The following NYAP2 variants were observed in gnomAD, a reference collection of about 807,000 sequenced individuals.
NYAP2 encodes neuronal tyrosine-phosphorylated phosphoinositide-3-kinase adapter 2.
A neutral mutation model predicts 50.4 loss-of-function variants in NYAP2; 23 were observed. That is an observed-to-expected ratio of 0.46 (90% confidence interval 0.33 to 0.65). The LOEUF (loss-of-function observed/expected upper bound fraction) is 0.65, where lower values mean the gene tolerates loss of function less well. Ranked by LOEUF, NYAP2 falls within the 30% of genes least tolerant of loss-of-function variation. The probability of loss-of-function intolerance (pLI) is 0.02; values close to 1 mark genes in which losing one functional copy is unlikely to be tolerated. For missense variants in NYAP2, 885 were observed against 861.0 expected (o/e 1.03, Z -0.35); for synonymous variants, 394 against 365.2 (o/e 1.08, Z -0.90).
intron 3 of NYAP2, among the ~76,000 whole-genome samples, chr2:225,511,359 CACACACACACACACAGAG>C (rs1378234708): frequency 7.0e-5 from 10 of 142,588 alleles, no homozygotes; most frequent in African/African-American, 2.7e-4. Context: ...CACACACACA[CACACACACACACACAGAG>C]AGAGAGAGAG....
intron 3 of NYAP2, among the ~76,000 whole-genome samples, chr2:225,447,061 A>T (rs1333809702): frequency 6.6e-6 from 1 of 151,946 alleles, no homozygotes; most frequent in Non-Finnish European, 1.5e-5. Flanking sequence ...GGGGAGCAAG[A>T]TTGATAAGAA....
chr2:225,654,220 A>G (rs976894885), downstream of NYAP2, among the ~76,000 whole-genome samples: 1 of 152,062 alleles, frequency 6.6e-6, no homozygotes, highest in South Asian at 2.1e-4. Flanking sequence ...TCATACCTAA[A>G]CAAGGATAGG....
intron 4 of NYAP2, among the ~76,000 whole-genome samples, chr2:225,565,433 A>G (rs1691945201): frequency 1.3e-5 from 2 of 152,212 alleles, no homozygotes; most frequent in South Asian, 4.1e-4. Flanking sequence ...GGAAACTGAC[A>G]TATTGGTCTC....
intron 4 of NYAP2, among the ~76,000 whole-genome samples, chr2:225,539,518 A>G (rs1249528544): frequency 6.6e-6 from 1 of 152,234 alleles, no homozygotes; most frequent in South Asian, 2.1e-4. Context: ...TTGATTCCTG[A>G]CATTTTAATG....
intron 3 of NYAP2, among the ~76,000 whole-genome samples, chr2:225,504,845 T>C (rs1301508264): frequency 6.6e-6 from 1 of 151,974 alleles, no homozygotes; most frequent in Non-Finnish European, 1.5e-5. Context: ...CCGTCTCTAC[T>C]AAAAATACAA....
At chr2:225,606,931 A>G (rs1692797087) in intron 5 of NYAP2, among the ~76,000 whole-genome samples, 1 of 152,002 alleles carries the variant, frequency 6.6e-6, no homozygotes, top group East Asian at 1.9e-4. Flanking sequence ...ACCTAAGGAT[A>G]TTTTGTATGT....
At chr2:225,622,515 TTTC>T (rs144960044) in intron 5 of NYAP2, among the ~76,000 whole-genome samples, 101,081 of 128,366 alleles carry the variant, frequency 0.79, 38,769 homozygotes, top group Middle Eastern at 0.87. Flanking sequence ...TCTTTCTTTC[TTTC>T]TTCTTTCTTT....
Position 225,544,098 on chromosome 2 carries a change from T to A in NYAP2, c.523+30426T>A, listed in dbSNP as rs568152840. ...GAAATAAGTTCCTGATATAAGTATATGGCTATTTCTGTTTTTCTTTGGTTT... is the reference window on the plus strand; with the variant it reads ...GAAATAAGTTCCTGATATAAGTATAAGGCTATTTCTGTTTTTCTTTGGTTT... On this transcript the variant is annotated intron_variant, in intron 4 of 6. Transcript: ENST00000636099. Among the ~76,000 whole-genome samples, 8 of 152,184 alleles carry A rather than the reference T, an allele frequency of 5.3e-5. No homozygotes were observed. In the East Asian group the frequency reaches 1.3e-3, roughly 26 times the overall value.
intron 3 of NYAP2, among the ~76,000 whole-genome samples, chr2:225,481,361 A>G (rs954896645): frequency 1.3e-5 from 2 of 152,066 alleles, no homozygotes; most frequent in Non-Finnish European, 2.9e-5. Flanking sequence ...TGACTGTTGT[A>G]TTTGTTAGAA....
At chr2:225,635,008 A>C (rs1693386595) in intron 6 of NYAP2, among the ~76,000 whole-genome samples, 1 of 152,192 alleles carries the variant, frequency 6.6e-6, no homozygotes, top group Admixed American at 6.5e-5. Flanking sequence ...TTTCTCTTGA[A>C]ACTTCTAAAA....
chr2:225,509,946 C>G (rs1332107671), intron 3 of NYAP2, among the ~76,000 whole-genome samples: 1 of 152,164 alleles, frequency 6.6e-6, no homozygotes, highest in Non-Finnish European at 1.5e-5. Flanking sequence ...CCACTGACCT[C>G]AAGCTTGACC....
At chr2:225,686,127 T>C in the NYAP2 span, among the ~76,000 whole-genome samples, 11 of 152,126 alleles carry the variant, frequency 7.2e-5, no homozygotes, top group Non-Finnish European at 5.9e-5. Context: ...TAGGTTTTCA[T>C]TGTATGTCTG....
exon 7 of NYAP2, chr2:225,653,946 G>A (rs368257425): frequency 4.6e-5 from 7 of 151,480 alleles, no homozygotes; most frequent in African/African-American, 1.5e-4. Context: ...GTGAACCTGG[G>A]AGGTGGAGCT....
chr2:225,514,532 C>T (rs534332384), intron 4 of NYAP2, among the ~76,000 whole-genome samples: 2 of 152,268 alleles, frequency 1.3e-5, no homozygotes, highest in East Asian at 3.9e-4. Context: ...CCGACTTCTC[C>T]TTGTATCCTC....
intron 5 of NYAP2, among the ~76,000 whole-genome samples, chr2:225,611,420 CAGTT>C (rs1219390955): frequency 3.9e-5 from 6 of 152,050 alleles, no homozygotes; most frequent in Admixed American, 1.3e-4. Context: ...TCTTCACCCT[CAGTT>C]AGTGCCTTTT....
At chr2:225,681,430 A>C in the NYAP2 span, among the ~76,000 whole-genome samples, 1 of 152,204 alleles carries the variant, frequency 6.6e-6, no homozygotes, top group Non-Finnish European at 1.5e-5. Flanking sequence ...AAGCAGATGG[A>C]GTGATCACTG....
At chr2:225,491,092 A>C (rs1362104846) in intron 3 of NYAP2, among the ~76,000 whole-genome samples, 1 of 152,174 alleles carries the variant, frequency 6.6e-6, no homozygotes, top group Non-Finnish European at 1.5e-5. Flanking sequence ...ATCCCTTCCC[A>C]ATGATGCCTG....
intron 6 of NYAP2, among the ~76,000 whole-genome samples, chr2:225,630,514 T>C (rs577152268): frequency 3.7e-4 from 57 of 152,310 alleles, no homozygotes; most frequent in African/African-American, 1.3e-3. Context: ...TCTGGTCCAA[T>C]CTCTGAGTGA....
intron 3 of NYAP2, among the ~76,000 whole-genome samples, chr2:225,429,846 A>C (rs185896931): frequency 6.6e-6 from 1 of 152,306 alleles, no homozygotes; most frequent in East Asian, 1.9e-4. Flanking sequence ...AAAAAGCATC[A>C]GTTGCACACT....
Sources: gnomAD v4.1 joint callset for allele counts (sites outside exome capture counted in the v4.1 genomes callset) on GRCh38, gnomAD v4.1.1 for gene constraint, MANE v1.5 for transcripts, NCBI Gene and HGNC (gene_info 2026-07-23, HGNC 2026-07-21) for gene names.